TEKTIP1: variants seen among roughly 807,000 people sequenced by gnomAD.
TEKTIP1 encodes tektin bundle-interacting protein 1.
At chr19:3,539,584 TGA>T in the TEKTIP1 span, 4 of 332,576 alleles carry the variant, frequency 1.2e-5, no homozygotes, top group African/African-American at 4.2e-5. Context: ...CTTCTGTGGC[TGA>T]GAGAGTCTGT....
chr19:3,543,884 G>A, the TEKTIP1 span: 16 of 1,550,674 alleles, frequency 1.0e-5, no homozygotes, highest in Non-Finnish European at 1.3e-5. Flanking sequence ...CAGACTACGT[G>A]CCCTCCCTGT....
At chr19:3,543,227 A>T in the TEKTIP1 span, 1 of 1,541,032 alleles carries the variant, frequency 6.5e-7, no homozygotes, top group Middle Eastern at 1.8e-4. Context: ...CCCCCTGCCC[A>T]CCCTCAGCGA....
chr19:3,540,526 G>A, the TEKTIP1 span, among the ~76,000 whole-genome samples: 12 of 151,432 alleles, frequency 7.9e-5, no homozygotes, highest in South Asian at 2.1e-4. Flanking sequence ...AAAGTGCTGG[G>A]ATTACAGGCG....
the TEKTIP1 span, chr19:3,542,895 T>C: frequency 7.1e-7 from 1 of 1,411,512 alleles, no homozygotes; most frequent in Non-Finnish European, 9.5e-7. Flanking sequence ...TTGTGGGTCT[T>C]GGAGGCTGGA....
At chr19:3,543,804 A>G in the TEKTIP1 span, 1 of 1,503,948 alleles carries the variant, frequency 6.6e-7, no homozygotes, top group South Asian at 1.3e-5. Flanking sequence ...GTGGGGGCAC[A>G]TGGTGACCCG....
chr19:3,540,646 G>A, the TEKTIP1 span, among the ~76,000 whole-genome samples: 6 of 151,524 alleles, frequency 4.0e-5, no homozygotes, highest in African/African-American at 1.2e-4. Context: ...TTCGGAGGCC[G>A]AGGCAGGCGG....
the TEKTIP1 span, chr19:3,543,538 C>T: frequency 7.0e-4 from 1,068 of 1,516,468 alleles, 1 homozygote; most frequent in Middle Eastern, 1.6e-3. Flanking sequence ...TGACCGCCAG[C>T]CCCCGCCCCA....
the TEKTIP1 span, chr19:3,542,564 C>A: frequency 2.4e-6 from 2 of 824,896 alleles, no homozygotes; most frequent in Non-Finnish European, 2.9e-6. Flanking sequence ...AACTCCACTT[C>A]CTGGGTTCAA....
chr19:3,539,862 T>G, the TEKTIP1 span: 2 of 152,552 alleles, frequency 1.3e-5, no homozygotes, highest in African/African-American at 4.8e-5. Context: ...CCCGATACAG[T>G]GTCTATTATC....
chr19:3,543,956 C>T, the TEKTIP1 span: 1 of 1,550,858 alleles, frequency 6.4e-7, no homozygotes, highest in Admixed American at 2.0e-5. Flanking sequence ...TGGAACCATA[C>T]TGCCCCTCCA....
At chr19:3,541,618 G>A in the TEKTIP1 span, 1 of 984,752 alleles carries the variant, frequency 1.0e-6, no homozygotes, top group Non-Finnish European at 1.2e-6. Flanking sequence ...ACCGCACCCA[G>A]TGCAAGACCC....
chr19:3,540,525 G>A, the TEKTIP1 span, among the ~76,000 whole-genome samples: 3 of 151,422 alleles, frequency 2.0e-5, no homozygotes, highest in African/African-American at 2.4e-5. Context: ...CAAAGTGCTG[G>A]GATTACAGGC....
At chr19:3,541,254 T>TA in the TEKTIP1 span, among the ~76,000 whole-genome samples, 1 of 151,686 alleles carries the variant, frequency 6.6e-6, no homozygotes, top group Non-Finnish European at 1.5e-5. Flanking sequence ...GAGGATCGCT[T>TA]GAGCCTAGGA....
chr19:3,543,137 G>T, the TEKTIP1 span: 1 of 1,512,434 alleles, frequency 6.6e-7, no homozygotes, highest in South Asian at 1.3e-5. Context: ...CACGCCGTGG[G>T]CCAGGCCTCT....
At chr19:3,541,824 G>GTTGAGACAGAGTCTCGCTCTCTCAC in the TEKTIP1 span, 2 of 982,726 alleles carry the variant, frequency 2.0e-6, no homozygotes, top group Non-Finnish European at 2.4e-6. Context: ...TTTTGTTTGT[G>GTTGAGACAGAGTCTCGCTCTCTCAC]TTGAGACAGA....
chr19:3,543,525 G>GA, the TEKTIP1 span: 1 of 1,510,118 alleles, frequency 6.6e-7, no homozygotes. Flanking sequence ...AGGGGGACAG[G>GA]AATGACCGCC....
the TEKTIP1 span, chr19:3,542,465 C>CT: frequency 2.0e-6 from 2 of 985,028 alleles, no homozygotes; most frequent in Non-Finnish European, 2.4e-6. Flanking sequence ...CATAAAACAT[C>CT]TTTGAGTCTC....
the TEKTIP1 span, chr19:3,542,476 T>C: frequency 2.0e-6 from 2 of 984,458 alleles, no homozygotes; most frequent in Non-Finnish European, 2.4e-6. Flanking sequence ...TTTGAGTCTC[T>C]TGTCTTTTTG....
the TEKTIP1 span, chr19:3,539,223 G>A: frequency 3.9e-6 from 6 of 1,550,552 alleles, no homozygotes; most frequent in Non-Finnish European, 5.2e-6. Context: ...TATCCCCTCG[G>A]GGACCCTCGA....
Sources: allele counts gnomAD v4.1 joint callset (sites outside exome capture counted in the v4.1 genomes callset), GRCh38; gene constraint gnomAD v4.1.1; transcripts MANE v1.5; gene names NCBI Gene and HGNC (gene_info 2026-07-23, HGNC 2026-07-21).